BBX: variants seen among roughly 807,000 people sequenced by gnomAD.
BBX encodes BBX high mobility group box domain containing, also known as HMG box transcription factor BBX.
BBX carries 30 observed loss-of-function variants against 100.2 expected under a neutral mutation model. That is an observed-to-expected ratio of 0.30 (90% CI 0.22 to 0.41). BBX has a LOEUF of 0.41. BBX is among the 10% of genes least tolerant of loss of function. BBX has a pLI of 1.00. For synonymous variants in BBX, 376 were observed against 388.1 expected, an observed-to-expected ratio of 0.97 and a Z score of 0.37; for missense variants, 1,023 against 1,129.8, an observed-to-expected ratio of 0.91 and a Z score of 1.35.
intron 2 of BBX, among the ~76,000 whole-genome samples, chr3:107,611,769 A>G (rs567987296): frequency 2.0e-5 from 3 of 152,144 alleles, no homozygotes; most frequent in East Asian, 1.9e-4. Context: ...GGATTTTGAT[A>G]TCTTTCTCTA....
rs2071235517 is a variant in BBX at position 107,810,264 on chromosome 3, A to C, written c.*4807A>C. On this transcript the variant is annotated 3_prime_UTR_variant, in exon 18 of 18. Transcript: ENST00000325805. The stretch of plus-strand genomic sequence containing the variant: ...CTGGCCAAATTTGATCTATGGTGGT[A>C]TGATTCATACTGTTAAATTGAGAGA... 1 of 150,770 alleles carries C rather than the reference A, an allele frequency of 6.6e-6. No individual in the cohort carries two copies. The highest frequency in any genetic ancestry group is 2.4e-5 in the African/African-American group (1 of 41,020). 9.3% of individuals were successfully genotyped at this position (150,770 alleles called of 1,614,324 possible).
intron 2 of BBX, among the ~76,000 whole-genome samples, chr3:107,539,315 A>G (rs2048714846): frequency 6.6e-6 from 1 of 152,220 alleles, no homozygotes; most frequent in Non-Finnish European, 1.5e-5. Context: ...AGTGACATAC[A>G]TATACCAAAT....
In BBX at chr3:107,556,585, A is replaced by AT. The variant is rs1010963319; in HGVS notation, c.-84+30193dup. On this transcript the variant is annotated intron_variant, in intron 2 of 17. Transcript: ENST00000325805. ...TGGTTGTGCCGATTTTCTGGTATTT[A>AT]TTTTTTATGAAGAGATTGCTTTAGG... 3.3e-5 allele frequency among the ~76,000 whole-genome samples: 5 copies of AT among 152,228 alleles called. No individual in the cohort carries two copies. In the East Asian group the frequency reaches 9.6e-4, roughly 29 times the overall value.
intron 2 of BBX, among the ~76,000 whole-genome samples, chr3:107,633,974 G>A (rs2056704917): frequency 6.6e-6 from 1 of 152,142 alleles, no homozygotes; most frequent in African/African-American, 2.4e-5. Context: ...CAGATAGAGT[G>A]GGCTTTCATC....
intron 2 of BBX, among the ~76,000 whole-genome samples, chr3:107,643,438 C>T (rs1200199878): frequency 6.6e-6 from 1 of 151,904 alleles, no homozygotes. Context: ...GGGTGGGAAG[C>T]AGAGGCCTTG....
intron 15 of BBX, among the ~76,000 whole-genome samples, chr3:107,797,037 C>T (rs1355761156): frequency 6.6e-6 from 1 of 151,996 alleles, no homozygotes; most frequent in Non-Finnish European, 1.5e-5. Flanking sequence ...GTGATTTCTG[C>T]TTTACATACT....
chr3:107,619,730 G>T (rs559989968), intron 2 of BBX, among the ~76,000 whole-genome samples: 1 of 152,018 alleles, frequency 6.6e-6, no homozygotes, highest in Non-Finnish European at 1.5e-5. Context: ...ATCCTGGATC[G>T]ACAGTCCTTT....
intron 10 of BBX, among the ~76,000 whole-genome samples, chr3:107,762,013 A>G (rs570034280): frequency 6.6e-6 from 1 of 152,264 alleles, no homozygotes; most frequent in Non-Finnish European, 1.5e-5. Flanking sequence ...GAATTCTAAT[A>G]CTTAAAATGC....
chr3:107,525,121 G>A (rs2047661036), intron 1 of BBX, among the ~76,000 whole-genome samples: 1 of 149,008 alleles, frequency 6.7e-6, no homozygotes, highest in Non-Finnish European at 1.5e-5. Flanking sequence ...GACTTTTGTA[G>A]GCAGCCAGCG....
In BBX at chr3:107,584,107, T is replaced by C. The variant is rs1305163830; in HGVS notation, c.-84+57709T>C. ...TATATATCATATATTATATATATTATATATTATATATAATATATATATTAT... is the reference window on the plus strand; with the variant it reads ...TATATATCATATATTATATATATTACATATTATATATAATATATATATTAT... On this transcript the variant is annotated intron_variant, in intron 2 of 17. Transcript: ENST00000325805. 5.1e-3 allele frequency among the ~76,000 whole-genome samples: 76 copies of C among 14,908 alleles called. 7 individuals are homozygous for C. The highest frequency in any genetic ancestry group is 0.022 in the African/African-American group (71 of 3,294). 9.8% of individuals were successfully genotyped at this position (14,908 alleles called of 152,430 possible). A position where few individuals can be genotyped will look rare whatever the true frequency, so the allele number is the denominator to read the frequency against.
intron 3 of BBX, among the ~76,000 whole-genome samples, chr3:107,709,475 C>T (rs1402972199): frequency 6.6e-6 from 1 of 152,214 alleles, no homozygotes; most frequent in Non-Finnish European, 1.5e-5. Context: ...TAGGCTGCTA[C>T]CTGGTAATTT....
At chr3:107,742,188 A>G (rs560514770) in intron 7 of BBX, among the ~76,000 whole-genome samples, 19 of 152,142 alleles carry the variant, frequency 1.2e-4, no homozygotes, top group Admixed American at 9.2e-4. Context: ...TCCCTATTCA[A>G]TTTGTTTTAG....
intron 2 of BBX, among the ~76,000 whole-genome samples, chr3:107,603,815 G>A (rs1042827465): frequency 7.2e-5 from 11 of 151,814 alleles, no homozygotes; most frequent in African/African-American, 2.2e-4. Context: ...GATCACTAGC[G>A]TTTTTAAAAT....
At chr3:107,625,286 TA>T (rs1240389074) in intron 2 of BBX, among the ~76,000 whole-genome samples, 2 of 152,174 alleles carry the variant, frequency 1.3e-5, no homozygotes, top group Non-Finnish European at 2.9e-5. Context: ...CTAATTTTAT[TA>T]TTTTTTTTGG....
At chr3:107,783,626 T>C (rs1429288475) in intron 13 of BBX, among the ~76,000 whole-genome samples, 1 of 152,040 alleles carries the variant, frequency 6.6e-6, no homozygotes, top group Non-Finnish European at 1.5e-5. Flanking sequence ...TCCTGAGTAG[T>C]AATTTTTCTC....
chr3:107,798,835 TAA>T (rs374593936), intron 16 of BBX, 115 bp downstream of exon 16: 9,132 of 667,384 alleles, frequency 0.014, no homozygotes, highest in South Asian at 0.015. Context: ...GCCAATGAGC[TAA>T]AAAAAAAAAA....
chr3:107,796,136 G>A (rs11710637), intron 15 of BBX, among the ~76,000 whole-genome samples: 24,451 of 152,110 alleles, frequency 0.16, 2,569 homozygotes, highest in South Asian at 0.36. Flanking sequence ...GCCCATGGTT[G>A]GTTGGACTGC....
At chr3:107,754,191 A>G (rs1483887765) in intron 9 of BBX, among the ~76,000 whole-genome samples, 1 of 152,200 alleles carries the variant, frequency 6.6e-6, no homozygotes, top group Non-Finnish European at 1.5e-5. Context: ...GCGTTGATTC[A>G]AGGCACTGGC....
At chr3:107,581,799 A>G (rs1343645491) in intron 2 of BBX, among the ~76,000 whole-genome samples, 3 of 152,192 alleles carry the variant, frequency 2.0e-5, no homozygotes, top group East Asian at 1.9e-4. Flanking sequence ...CTCATTCTTT[A>G]TCATGTACTA....
Sources: gnomAD v4.1 joint callset for allele counts (sites outside exome capture counted in the v4.1 genomes callset) on GRCh38, gnomAD v4.1.1 for gene constraint, MANE v1.5 for transcripts, NCBI Gene and HGNC (gene_info 2026-07-23, HGNC 2026-07-21) for gene names.